Variants in NLGN4X observed in about 807,000 individuals in gnomAD.
NLGN4X encodes the protein neuroligin-4, X-linked.
NLGN4X carries 3 observed loss-of-function variants against 40.3 expected under a neutral mutation model. The ratio of observed to expected loss-of-function variants is 0.07; its 90% CI spans 0.03 to 0.19. NLGN4X has a LOEUF of 0.19. NLGN4X is among the 10% of genes least tolerant of loss of function. The pLI is 1.00. For synonymous variants in NLGN4X, 270 were observed against 306.8 expected, an observed-to-expected ratio of 0.88 and a Z score of 1.25; for missense variants, 382 against 708.3, an observed-to-expected ratio of 0.54 and a Z score of 5.23.
At chrX:6,189,814 G>A (rs900847391) in intron 1 of NLGN4X, among the ~76,000 whole-genome samples, 1 of 110,048 alleles carries the variant, frequency 9.1e-6, no homozygotes, top group South Asian at 3.9e-4. Flanking sequence ...TGAGAGAGAA[G>A]ACAAACATTT....
At chrX:6,083,019 G>A (rs1425562427) in intron 2 of NLGN4X, among the ~76,000 whole-genome samples, 1 of 92,850 alleles carries the variant, frequency 1.1e-5, no homozygotes, top group African/African-American at 4.1e-5. Context: ...GTGCGGTGGC[G>A]CAATCTCGGC....
intron 3 of NLGN4X, among the ~76,000 whole-genome samples, chrX:5,962,912 T>C (rs1480782921): frequency 9.1e-6 from 1 of 110,190 alleles, no homozygotes; most frequent in Non-Finnish European, 1.9e-5. Context: ...GAGAAATAAA[T>C]GTCTGTTGTT....
At chrX:6,213,647 G>T (rs1395002423) in intron 1 of NLGN4X, among the ~76,000 whole-genome samples, 1 of 112,391 alleles carries the variant, frequency 8.9e-6, no homozygotes, top group East Asian at 2.8e-4. Context: ...AATGAAAACA[G>T]TAGCGCACAA....
chrX:5,934,087 ACT>A (rs1258483106), intron 3 of NLGN4X, among the ~76,000 whole-genome samples: 3 of 110,882 alleles, frequency 2.7e-5, no homozygotes, highest in African/African-American at 9.8e-5. Flanking sequence ...CCATGAGTCT[ACT>A]CTCTGTTTCT....
chrX:5,976,161 C>T (rs896717518), intron 3 of NLGN4X, among the ~76,000 whole-genome samples: 11 of 112,492 alleles, frequency 9.8e-5, no homozygotes, highest in Non-Finnish European at 1.9e-4. Flanking sequence ...TCTTCTCTGA[C>T]TTTAATAATC....
In NLGN4X at chrX:5,892,694, T is replaced by C. The variant is rs182561696; in HGVS notation, c.*123A>G. On this transcript the variant is annotated 3_prime_UTR_variant, in exon 6 of 6. Coordinates refer to ENST00000381095, the MANE Select transcript of NLGN4X (RefSeq NM_181332.3). ...TTTTTGCATTTTTGTCTTAAGTCAGTGGGACAAAAACATTCCTGGTCTGGA... is the reference window on the plus strand; with the variant it reads ...TTTTTGCATTTTTGTCTTAAGTCAGCGGGACAAAAACATTCCTGGTCTGGA... 4.5e-4 allele frequency: 466 copies of C among 1,026,580 alleles called. 1 individual carries two copies. The African/African-American group carries it at 8.0e-3, about 18-fold the overall frequency. The allele number at this position is 1,026,580 out of a possible 1,213,427, so 84.6% of individuals were successfully genotyped here.
intron 1 of NLGN4X, among the ~76,000 whole-genome samples, chrX:6,198,521 G>A (rs1923327753): frequency 8.9e-6 from 1 of 111,828 alleles, no homozygotes; most frequent in African/African-American, 3.3e-5. Context: ...GACAGGGAAG[G>A]GATCCTAAAG....
At chrX:6,225,527 T>A (rs1926128150) in intron 1 of NLGN4X, among the ~76,000 whole-genome samples, 1 of 108,672 alleles carries the variant, frequency 9.2e-6, no homozygotes, top group Admixed American at 9.9e-5. Context: ...GTTTGCACCC[T>A]GGCCATTTAA....
chrX:6,082,373 A>AC (rs35396334), intron 2 of NLGN4X, among the ~76,000 whole-genome samples: 1 of 30,143 alleles, frequency 3.3e-5, no homozygotes, highest in African/African-American at 1.4e-4. Context: ...GTGTCTCCAC[A>AC]AAAAAAAAAA....
chrX:5,929,394 G>A (rs2033456534), intron 3 of NLGN4X, among the ~76,000 whole-genome samples: 1 of 111,662 alleles, frequency 9.0e-6, no homozygotes. Context: ...TTGAACCCAG[G>A]AGGTGGAGGT....
intron 3 of NLGN4X, among the ~76,000 whole-genome samples, chrX:5,910,361 G>A (rs1164452492): frequency 9.1e-6 from 1 of 109,844 alleles, no homozygotes; most frequent in African/African-American, 3.3e-5. Context: ...CCTTATTTGA[G>A]CCTTCCCCAA....
chrX:5,969,985 G>C (rs1298944357), intron 3 of NLGN4X, among the ~76,000 whole-genome samples: 1 of 90,570 alleles, frequency 1.1e-5, no homozygotes, highest in Non-Finnish European at 2.1e-5. Flanking sequence ...AGAACACATG[G>C]ACACAGGAAT....
intron 2 of NLGN4X, among the ~76,000 whole-genome samples, chrX:6,043,935 A>T (rs1180052933): frequency 9.0e-6 from 1 of 110,519 alleles, no homozygotes; most frequent in Non-Finnish European, 1.9e-5. Flanking sequence ...AACTTAGCCA[A>T]TTCACCATAA....
At chrX:6,158,720 T>C (rs2040323619) in intron 1 of NLGN4X, among the ~76,000 whole-genome samples, 1 of 111,615 alleles carries the variant, frequency 9.0e-6, no homozygotes, top group African/African-American at 3.3e-5. Context: ...CCATGGTGGT[T>C]TGCTGCACAA....
chrX:6,117,092 T>C (rs979283820), intron 2 of NLGN4X, among the ~76,000 whole-genome samples: 1 of 111,359 alleles, frequency 9.0e-6, no homozygotes, highest in Non-Finnish European at 1.9e-5. Flanking sequence ...TTGGCCAGTT[T>C]TGTGGGATTA....
chrX:6,060,341 A>G (rs2037739406), intron 2 of NLGN4X, among the ~76,000 whole-genome samples: 1 of 111,530 alleles, frequency 9.0e-6, no homozygotes, highest in South Asian at 3.8e-4. Context: ...GATCCTTTAG[A>G]CACCCTCAAT....
chrX:5,957,028 G>C (rs113470929), intron 3 of NLGN4X, among the ~76,000 whole-genome samples: 5 of 110,626 alleles, frequency 4.5e-5, no homozygotes, highest in Non-Finnish European at 9.5e-5. Flanking sequence ...CTGAGAGAGA[G>C]AGACAGTCAG....
intron 3 of NLGN4X, among the ~76,000 whole-genome samples, chrX:5,925,909 T>C (rs760219201): frequency 4.9e-4 from 22 of 44,452 alleles, no homozygotes; most frequent in African/African-American, 1.6e-3. Flanking sequence ...TATATATATA[T>C]ATATATATAT....
chrX:6,113,143 T>A (rs1355106449), intron 2 of NLGN4X, among the ~76,000 whole-genome samples: 1 of 110,587 alleles, frequency 9.0e-6, no homozygotes, highest in East Asian at 2.9e-4. Context: ...TAATGTGGGA[T>A]CCTGGATAGG....
Sources: gnomAD v4.1 joint callset for allele counts (sites outside exome capture counted in the v4.1 genomes callset) on GRCh38, gnomAD v4.1.1 for gene constraint, MANE v1.5 for transcripts, NCBI Gene and HGNC (gene_info 2026-07-23, HGNC 2026-07-21) for gene names.